The following ACSS3 variants were observed in gnomAD, a reference collection of about 807,000 sequenced individuals.
The protein encoded by ACSS3 is acyl-CoA synthetase short chain family member 3.
In ACSS3, 64 loss-of-function variants were observed where a neutral mutation model predicts 84.2. The observed-to-expected ratio is 0.76, with a 90% CI of 0.62 to 0.94. ACSS3 has a LOEUF of 0.94. ACSS3 is among the 40% of genes least tolerant of loss of function. The pLI, the probability that ACSS3 is intolerant of heterozygous loss-of-function variation, is 0.00. For missense variants in ACSS3, 815 were observed against 867.6 expected (o/e 0.94, Z 0.76); for synonymous variants, 317 against 310.1 (o/e 1.02, Z -0.23).
chr12:81,138,708 A>G (rs1885933114), intron 3 of ACSS3, among the ~76,000 whole-genome samples: 1 of 152,098 alleles, frequency 6.6e-6, no homozygotes, highest in African/African-American at 2.4e-5. Context: ...TTCTGCTGTA[A>G]TCTCTTTAGG....
intron 13 of ACSS3, among the ~76,000 whole-genome samples, chr12:81,247,420 T>C (rs1404598190): frequency 6.6e-6 from 1 of 152,102 alleles, no homozygotes; most frequent in Non-Finnish European, 1.5e-5. Flanking sequence ...TCTCACTGTA[T>C]GTAACAGCAG....
chr12:81,185,129 T>TA (rs1314951385), intron 8 of ACSS3, among the ~76,000 whole-genome samples: 1 of 151,566 alleles, frequency 6.6e-6, no homozygotes, highest in Non-Finnish European at 1.5e-5. Flanking sequence ...ATAATTAACA[T>TA]AAAAAAAGCA....
chr12:81,096,550 G>A (rs1882065743), intron 1 of ACSS3, among the ~76,000 whole-genome samples: 1 of 152,136 alleles, frequency 6.6e-6, no homozygotes, highest in Non-Finnish European at 1.5e-5. Flanking sequence ...GTATACATGT[G>A]CCATGTGGTT....
At position 81,216,997 on chromosome 12, in the gene ACSS3, G is replaced by A. The variant is rs768147715; in HGVS notation, c.1450+1G>A. On this transcript the variant is annotated splice_donor_variant, in intron 10 of 15. Coordinates refer to ENST00000548058, the MANE Select transcript of ACSS3 (RefSeq NM_024560.4). LOFTEE classifies it high-confidence loss of function. ...GGAAAAAGCGTCCCAGGATACAATGGTAAGGAATGACCCTGATAATACGTA... is the reference window on the plus strand; with the variant it reads ...GGAAAAAGCGTCCCAGGATACAATGATAAGGAATGACCCTGATAATACGTA... The A allele has an allele frequency of 6.2e-7, 1 of 1,604,876 alleles. No homozygotes were observed. The highest frequency in any genetic ancestry group is 2.2e-5 in the East Asian group (1 of 44,676).
chr12:81,228,000 T>C (rs1177374314), intron 11 of ACSS3, among the ~76,000 whole-genome samples: 3 of 151,878 alleles, frequency 2.0e-5, no homozygotes, highest in East Asian at 1.9e-4. Context: ...ACATATGATG[T>C]CCCTCTATAA....
intron 8 of ACSS3, among the ~76,000 whole-genome samples, chr12:81,188,372 A>C (rs987990524): frequency 6.6e-6 from 1 of 152,064 alleles, no homozygotes; most frequent in African/African-American, 2.4e-5. Flanking sequence ...ACTTTTATTG[A>C]GGTATATATA....
chr12:81,199,276 A>T, intron 8 of ACSS3, 65 bp from the exon 9 acceptor site: 1 of 1,423,574 alleles, frequency 7.0e-7, no homozygotes, highest in South Asian at 1.3e-5. Flanking sequence ...ATGTTTTTAA[A>T]ATGTAAATAC....
chr12:81,086,159 T>C (rs2121296964), intron 1 of ACSS3, among the ~76,000 whole-genome samples: 1 of 152,318 alleles, frequency 6.6e-6, no homozygotes, highest in South Asian at 2.1e-4. Flanking sequence ...GGTTTGAAGG[T>C]GAGAGTGTTA....
chr12:81,145,811 C>G (rs1886313287), intron 5 of ACSS3, among the ~76,000 whole-genome samples: 1 of 152,184 alleles, frequency 6.6e-6, no homozygotes, highest in Non-Finnish European at 1.5e-5. Flanking sequence ...TGATGAGAGT[C>G]TGAGCCCAAG....
At chr12:81,192,282 G>A (rs1030969958) in intron 8 of ACSS3, among the ~76,000 whole-genome samples, 4 of 152,150 alleles carry the variant, frequency 2.6e-5, no homozygotes, top group African/African-American at 9.7e-5. Flanking sequence ...TTGGGAGGCT[G>A]AGGCAGGAGA....
intron 1 of ACSS3, among the ~76,000 whole-genome samples, chr12:81,093,084 G>C (rs915601592): frequency 3.9e-5 from 6 of 152,058 alleles, no homozygotes; most frequent in Middle Eastern, 3.2e-3. Context: ...TATCAAGGGA[G>C]AGGTTTTATA....
chr12:81,162,217 T>A (rs1887187885), intron 7 of ACSS3, among the ~76,000 whole-genome samples: 1 of 152,138 alleles, frequency 6.6e-6, no homozygotes, highest in Non-Finnish European at 1.5e-5. Flanking sequence ...TGAGCAACAG[T>A]ACGGTCTCTG....
intron 2 of ACSS3, 153 bp from the exon 3 acceptor site, chr12:81,134,663 C>A: frequency 1.9e-6 from 1 of 532,574 alleles, no homozygotes; most frequent in Non-Finnish European, 3.0e-6. Flanking sequence ...CTCTCACCAT[C>A]TAAAGCATTA....
intron 8 of ACSS3, among the ~76,000 whole-genome samples, chr12:81,177,602 C>T (rs1259731055): frequency 6.6e-6 from 1 of 151,996 alleles, no homozygotes; most frequent in Admixed American, 6.6e-5. Flanking sequence ...ACAATGAACT[C>T]AAACAAATTT....
intron 9 of ACSS3, among the ~76,000 whole-genome samples, chr12:81,215,588 T>C (rs1199220474): frequency 1.3e-5 from 2 of 152,226 alleles, no homozygotes; most frequent in African/African-American, 2.4e-5. Flanking sequence ...AGAAGATGGA[T>C]GCCTTTAATT....
chr12:81,190,482 G>A (rs2031509206), intron 8 of ACSS3, among the ~76,000 whole-genome samples: 1 of 151,872 alleles, frequency 6.6e-6, no homozygotes, highest in African/African-American at 2.4e-5. Flanking sequence ...CTCTTCCCTA[G>A]GTCACTTACT....
In ACSS3 at chr12:81,224,574, A is replaced by ACATGTG. The variant is rs1491248111; in HGVS notation, c.1514+4498_1514+4499insCATGTG. On this transcript the variant is annotated intron_variant, in intron 11 of 15. Coordinates refer to ENST00000548058, the MANE Select transcript of ACSS3 (RefSeq NM_024560.4). ...TACATATATATATACACACACACAC[A>ACATGTG]TGTGTGTGTGTGTGTGTGTGTGTGT... Among the ~76,000 whole-genome samples the ACATGTG allele has an allele frequency of 4.2e-5, 3 of 71,938 alleles. No individual in the cohort carries two copies. The South Asian group carries it at 1.3e-3, about 31-fold the overall frequency. 47.2% of individuals were successfully genotyped at this position (71,938 alleles called of 152,430 possible).
chr12:81,098,129 T>TGAGAGAGAGAGAGAGA (rs769661021), intron 1 of ACSS3, among the ~76,000 whole-genome samples: 4 of 135,060 alleles, frequency 3.0e-5, no homozygotes, highest in African/African-American at 1.1e-4. Context: ...GGTCCCAGTA[T>TGAGAGAGAGAGAGAGA]GAGAGAGAGA....
At chr12:81,235,371 G>C (rs140093465) in intron 13 of ACSS3, among the ~76,000 whole-genome samples, 2 of 150,840 alleles carry the variant, frequency 1.3e-5, no homozygotes, top group Non-Finnish European at 3.0e-5. Flanking sequence ...TGAATATACT[G>C]CCTTGACACT....
Sources: gnomAD v4.1 joint callset for allele counts (sites outside exome capture counted in the v4.1 genomes callset) on GRCh38, gnomAD v4.1.1 for gene constraint, MANE v1.5 for transcripts, NCBI Gene and HGNC (gene_info 2026-07-23, HGNC 2026-07-21) for gene names.